The following SASH1 variants were observed in gnomAD, a reference collection of about 807,000 sequenced individuals.
SASH1 encodes SAM and SH3 domain containing 1.
Under a neutral mutation model 125.2 loss-of-function variants are expected in SASH1, and 44 were observed. The ratio of observed to expected loss-of-function variants is 0.35; its 90% CI spans 0.28 to 0.45. The LOEUF is 0.45. Ranked by LOEUF, SASH1 falls within the 20% of genes least tolerant of loss-of-function variation. The probability of loss-of-function intolerance (pLI) is 1.00; values close to 1 mark genes in which losing one functional copy is unlikely to be tolerated. For missense variants in SASH1, 1,426 were observed against 1,614.5 expected, an observed-to-expected ratio of 0.88 and a Z score of 2.00; for synonymous variants, 639 against 649.1, an observed-to-expected ratio of 0.98 and a Z score of 0.24.
chr6:148,260,950 G>C, the SASH1 span, among the ~76,000 whole-genome samples: 1,547 of 151,700 alleles, frequency 0.01, 19 homozygotes, highest in Non-Finnish European at 0.016. Context: ...GACTACCAGC[G>C]CGTGCCACCA....
Position 148,544,968 on chromosome 6 carries a change from C to T in SASH1, c.3348+150C>T. ...ATCCACGTGTCCACACCTTACTTGA[C>T]ATGCATGTGTTCAGATATTGACACC... is the stretch of plus-strand genomic sequence containing the variant. On this transcript the variant is annotated intron_variant, in intron 18 of 19. Transcript: ENST00000367467. The surrounding 1 kb of genome is among the most constrained non-coding windows in gnomAD (Gnocchi z 6.4). 7 of 677,770 alleles carry T rather than the reference C, an allele frequency of 1.0e-5. No individual in the cohort carries two copies. The highest frequency in any genetic ancestry group is 1.5e-5 in the Non-Finnish European group (6 of 408,920). The allele number at this position is 677,770 out of a possible 1,614,324, so 42.0% of individuals were successfully genotyped here.
the SASH1 span, among the ~76,000 whole-genome samples, chr6:148,260,257 A>G: frequency 2.0e-5 from 3 of 152,182 alleles, no homozygotes; most frequent in Admixed American, 2.0e-4. Flanking sequence ...AAATTTGAAG[A>G]AGCTTAATTT....
chr6:148,334,292 A>G (rs1340793765), intron 1 of SASH1, among the ~76,000 whole-genome samples: 51 of 147,654 alleles, frequency 3.5e-4, no homozygotes, highest in African/African-American at 1.0e-3. Context: ...GCCGGGCGTG[A>G]TGGCGGGCGC....
chr6:148,528,620 C>G (rs1265168560), intron 12 of SASH1, among the ~76,000 whole-genome samples: 1 of 152,094 alleles, frequency 6.6e-6, no homozygotes, highest in African/African-American at 2.4e-5. Context: ...TCATTTTGCT[C>G]CCCCATGGAC....
chr6:148,313,764 A>T (rs1452651040), intron 1 of SASH1, among the ~76,000 whole-genome samples: 2 of 152,114 alleles, frequency 1.3e-5, no homozygotes, highest in African/African-American at 4.8e-5. Context: ...ATGGAATTAG[A>T]TACTGCTACC....
intron 2 of SASH1, among the ~76,000 whole-genome samples, chr6:148,394,266 G>C (rs1783855866): frequency 6.6e-6 from 1 of 152,086 alleles, no homozygotes; most frequent in African/African-American, 2.4e-5. Flanking sequence ...GCAAGGATCG[G>C]GTTTAGGTGC....
intron 1 of SASH1, among the ~76,000 whole-genome samples, chr6:148,352,376 C>A (rs1384936201): frequency 6.6e-6 from 1 of 152,082 alleles, no homozygotes; most frequent in Non-Finnish European, 1.5e-5. Flanking sequence ...GGCGGTGGAT[C>A]ACCTAAAGTC....
intron 4 of SASH1, among the ~76,000 whole-genome samples, chr6:148,459,483 T>G (rs1777517433): frequency 6.6e-6 from 1 of 152,204 alleles, no homozygotes; most frequent in Admixed American, 6.5e-5. Context: ...TAACTTTCGG[T>G]ACAAGTCACC....
At chr6:148,213,737 G>A in the SASH1 span, among the ~76,000 whole-genome samples, 1 of 152,078 alleles carries the variant, frequency 6.6e-6, no homozygotes, top group Non-Finnish European at 1.5e-5. Flanking sequence ...TCTCTGGTCT[G>A]TATGTGCTTG....
At chr6:148,288,386 T>C (rs552104090) in intron 1 of SASH1, among the ~76,000 whole-genome samples, 1 of 152,324 alleles carries the variant, frequency 6.6e-6, no homozygotes, top group East Asian at 1.9e-4. Flanking sequence ...AGATGTAGAA[T>C]TTGAAAAGAA....
At chr6:148,421,266 A>G (rs1785091341) in intron 2 of SASH1, among the ~76,000 whole-genome samples, 1 of 152,250 alleles carries the variant, frequency 6.6e-6, no homozygotes, top group African/African-American at 2.4e-5. Flanking sequence ...GTGTATCTTT[A>G]CCTTAAGAGT....
chr6:148,513,224 T>G, intron 8 of SASH1: 1 of 985,440 alleles, frequency 1.0e-6, no homozygotes, highest in Non-Finnish European at 1.2e-6. Context: ...GTTTTTGTTT[T>G]GTGTGTTCAT....
intron 4 of SASH1, among the ~76,000 whole-genome samples, chr6:148,455,741 G>A (rs1467560299): frequency 3.3e-5 from 5 of 152,242 alleles, no homozygotes. Flanking sequence ...GGGGAAGGCT[G>A]AAGTGGTTGC....
At chr6:148,214,524 C>T in the SASH1 span, among the ~76,000 whole-genome samples, 1 of 152,166 alleles carries the variant, frequency 6.6e-6, no homozygotes, top group Non-Finnish European at 1.5e-5. Flanking sequence ...TGAGATAATA[C>T]ATGTAAAGCA....
chr6:148,236,264 G>C, the SASH1 span, among the ~76,000 whole-genome samples: 1 of 151,816 alleles, frequency 6.6e-6, no homozygotes, highest in East Asian at 1.9e-4. Flanking sequence ...ACCCAGGCTG[G>C]AGTGCAATGG....
At chr6:148,509,288 T>C (rs751801633) in intron 8 of SASH1, 23 of 209,630 alleles carry the variant, frequency 1.1e-4, no homozygotes, top group Admixed American at 7.4e-4. Flanking sequence ...CTGAAGTATG[T>C]ATGTCTAATC....
intron 2 of SASH1, among the ~76,000 whole-genome samples, chr6:148,410,110 T>C (rs1424501777): frequency 8.6e-6 from 1 of 115,892 alleles, no homozygotes; most frequent in African/African-American, 3.3e-5. Context: ...TTTTTTTTTT[T>C]TTTTTTTTTT....
At chr6:148,418,998 C>T (rs1342968863) in intron 2 of SASH1, among the ~76,000 whole-genome samples, 4 of 152,144 alleles carry the variant, frequency 2.6e-5, no homozygotes, top group Non-Finnish European at 5.9e-5. Context: ...CTGGCATTGT[C>T]ACGTGGCATA....
intron 1 of SASH1, among the ~76,000 whole-genome samples, chr6:148,350,069 T>A (rs533528869): frequency 7.3e-4 from 111 of 152,116 alleles, no homozygotes; most frequent in Non-Finnish European, 7.8e-4. Flanking sequence ...ATGGTCTCGA[T>A]CTCCTGACCT....
Sources: allele counts gnomAD v4.1 joint callset (sites outside exome capture counted in the v4.1 genomes callset), GRCh38; gene constraint gnomAD v4.1.1; non-coding constraint Gnocchi (gnomAD v3.1); transcripts MANE v1.5; gene names NCBI Gene and HGNC (gene_info 2026-07-23, HGNC 2026-07-21).